EPB41L3: variants seen among roughly 807,000 people sequenced by gnomAD.
EPB41L3 encodes erythrocyte membrane protein band 4.1 like 3.
Under a neutral mutation model 127.1 loss-of-function variants are expected in EPB41L3, and 57 were observed. The ratio of observed to expected loss-of-function variants is 0.45; its 90% confidence interval spans 0.36 to 0.56. The LOEUF is 0.56. Among genes scored for constraint, EPB41L3 ranks in the 20% least tolerant of loss-of-function variants. The pLI is 0.00. For synonymous variants in EPB41L3, 572 were observed against 549.5 expected, an observed-to-expected ratio of 1.04 and a Z score of -0.57; for missense variants, 1,273 against 1,372.2, an observed-to-expected ratio of 0.93 and a Z score of 1.14.
intron 1 of EPB41L3, among the ~76,000 whole-genome samples, chr18:5,625,490 G>C (rs958246851): frequency 1.3e-5 from 2 of 152,206 alleles, no homozygotes; most frequent in African/African-American, 2.4e-5. Flanking sequence ...TACGGTAAGG[G>C]AGGAAAGTAT....
chr18:5,560,779 G>C (rs76454264), intron 3 of EPB41L3, among the ~76,000 whole-genome samples: 6,758 of 152,006 alleles, frequency 0.044, 248 homozygotes, highest in Admixed American at 0.1. Flanking sequence ...CTTTATTTTG[G>C]GGGGTGGGGA....
In EPB41L3 at chr18:5,487,251, T is replaced by C. The variant is rs573471529; in HGVS notation, c.183+1750A>G. On this transcript the variant is annotated intron_variant, in intron 2 of 22. Coordinates refer to ENST00000341928, the MANE Select transcript of EPB41L3 (RefSeq NM_012307.5). ...ACCAAAAGACAAATACTGCATCTTCTCACTCATATGTGGGGGCTAAAATGG... is the reference window on the plus strand; with the variant it reads ...ACCAAAAGACAAATACTGCATCTTCCCACTCATATGTGGGGGCTAAAATGG... 2.0e-5 allele frequency among the ~76,000 whole-genome samples: 3 copies of C among 152,172 alleles called. No individual in the cohort carries two copies. The East Asian group carries it at 5.8e-4, about 29-fold the overall frequency.
rs1223085042 is a variant in EPB41L3, at chr18:5,394,895, T to C, written c.3154-102A>G. 9.7e-6 allele frequency: 12 copies of C among 1,233,006 alleles called. No homozygotes were observed. In the East Asian group the frequency reaches 2.8e-4, roughly 29 times the overall value. 76.4% of individuals were successfully genotyped at this position (1,233,006 alleles called of 1,614,324 possible). A position where few individuals can be genotyped will look rare whatever the true frequency, so the allele number is the denominator to read the frequency against. On this transcript the variant is annotated intron_variant, in intron 21 of 22. Coordinates refer to ENST00000341928, the MANE Select transcript of EPB41L3 (RefSeq NM_012307.5). ...TATGAGCTAGATCTATATCCACAAT[T>C]TACAAATGAGGTACAATGATTACAA...
Position 5,535,108 on chromosome 18 carries a change from C to T in EPB41L3, c.-12+8805G>A, listed in dbSNP as rs139149690. On this transcript the variant is annotated intron_variant, in intron 1 of 22. Coordinates refer to ENST00000341928, the MANE Select transcript of EPB41L3 (RefSeq NM_012307.5). ...AGAATGTGAGAATGTGAACCGCACA[C>T]GTGAGGGATCTAGGTTGTGCATTCC... Among the ~76,000 whole-genome samples, 125 of 152,182 alleles carry T rather than the reference C, an allele frequency of 8.2e-4. 1 individual carries two copies. The highest frequency in any genetic ancestry group is 2.7e-3 in the African/African-American group (113 of 41,528).
chr18:5,533,961 G>A (rs142349674), intron 1 of EPB41L3, among the ~76,000 whole-genome samples: 274 of 152,230 alleles, frequency 1.8e-3, no homozygotes, highest in East Asian at 0.016. Flanking sequence ...TCAGGAGATC[G>A]AGACCAGCCT....
chr18:5,541,081 T>C (rs2070850704), intron 1 of EPB41L3, among the ~76,000 whole-genome samples: 1 of 84,662 alleles, frequency 1.2e-5, no homozygotes, highest in African/African-American at 3.6e-5. Context: ...CGAGACTCCG[T>C]CTCAAAAAAA....
chr18:5,423,689 G>A, intron 10 of EPB41L3, 136 bp from the exon 11 acceptor site: 1 of 791,308 alleles, frequency 1.3e-6, no homozygotes. Flanking sequence ...AAATAAATCT[G>A]ATTTCATAAA....
At chr18:5,509,829 AT>A (rs2092424049) in intron 1 of EPB41L3, among the ~76,000 whole-genome samples, 1 of 152,162 alleles carries the variant, frequency 6.6e-6, no homozygotes, top group Non-Finnish European at 1.5e-5. Flanking sequence ...CTTGTTTGCA[AT>A]TTTACTACTT....
intron 3 of EPB41L3, among the ~76,000 whole-genome samples, chr18:5,606,093 A>G (rs1389159246): frequency 2.0e-5 from 3 of 152,292 alleles, no homozygotes; most frequent in Non-Finnish European, 2.9e-5. Context: ...CATCAGGGAA[A>G]AACTTGCACT....
intron 1 of EPB41L3, among the ~76,000 whole-genome samples, chr18:5,506,655 T>C (rs1245102956): frequency 6.6e-6 from 1 of 152,118 alleles, no homozygotes; most frequent in Non-Finnish European, 1.5e-5. Flanking sequence ...AAGTGGGGGA[T>C]TTTTAGTTAT....
chr18:5,405,670 T>C (rs1169936707), intron 16 of EPB41L3, among the ~76,000 whole-genome samples: 2 of 151,992 alleles, frequency 1.3e-5, no homozygotes, highest in Non-Finnish European at 2.9e-5. Flanking sequence ...TGCCTGCTTG[T>C]AGTCCCAGCT....
At chr18:5,471,192 C>T (rs954578417) in intron 3 of EPB41L3, among the ~76,000 whole-genome samples, 1 of 152,150 alleles carries the variant, frequency 6.6e-6, no homozygotes, top group Admixed American at 6.5e-5. Flanking sequence ...AAAGGCTGTA[C>T]TCAAGTATGC....
chr18:5,481,321 C>G (rs549587107), intron 2 of EPB41L3, among the ~76,000 whole-genome samples: 16 of 152,210 alleles, frequency 1.1e-4, no homozygotes, highest in Middle Eastern at 3.4e-3. Context: ...AATATGAGGA[C>G]GAGACAGATC....
intron 3 of EPB41L3, among the ~76,000 whole-genome samples, chr18:5,559,435 C>T (rs2094090738): frequency 1.3e-5 from 2 of 152,102 alleles, no homozygotes; most frequent in Non-Finnish European, 2.9e-5. Flanking sequence ...TCAATAGCCA[C>T]TAGAGATAGG....
chr18:5,494,739 A>G (rs909884044), intron 1 of EPB41L3, among the ~76,000 whole-genome samples: 7 of 151,908 alleles, frequency 4.6e-5, no homozygotes, highest in Non-Finnish European at 8.8e-5. Context: ...AATCAAGCAA[A>G]AGCAGAACAG....
chr18:5,567,163 G>A (rs185791976), intron 3 of EPB41L3: 13 of 152,270 alleles, frequency 8.5e-5, no homozygotes, highest in African/African-American at 3.1e-4. Flanking sequence ...GCTGAAGAAA[G>A]TGGCTGTATC....
intron 3 of EPB41L3, among the ~76,000 whole-genome samples, chr18:5,579,526 A>T (rs572240326): frequency 1.3e-5 from 2 of 152,344 alleles, no homozygotes; most frequent in Non-Finnish European, 2.9e-5. Context: ...AAATCAACAT[A>T]AATCAGGCCC....
intron 1 of EPB41L3, chr18:5,539,555 T>C (rs1372954370): frequency 6.6e-6 from 1 of 152,240 alleles, no homozygotes; most frequent in East Asian, 1.9e-4. Flanking sequence ...TTTGAAACTG[T>C]GCTCTGGAAT....
At chr18:5,610,032 C>G in intron 3 of EPB41L3, 1 of 930,202 alleles carries the variant, frequency 1.1e-6, no homozygotes, top group Non-Finnish European at 1.3e-6. Context: ...GCAGTGTGCT[C>G]ACAGGCACTG....
Sources: allele counts gnomAD v4.1 joint callset (sites outside exome capture counted in the v4.1 genomes callset), GRCh38; gene constraint gnomAD v4.1.1; transcripts MANE v1.5; gene names NCBI Gene and HGNC (gene_info 2026-07-23, HGNC 2026-07-21).